ANKRD22: variants seen among roughly 807,000 people sequenced by gnomAD.
The protein encoded by ANKRD22 is ankyrin repeat domain-containing protein 22.
ANKRD22 carries 24 observed loss-of-function variants against 25.7 expected under a neutral mutation model. That is an observed-to-expected ratio of 0.93 (90% CI 0.68 to 1.31). ANKRD22 has a LOEUF of 1.31. Among genes scored for constraint, ANKRD22 ranks in the 50% most tolerant of loss-of-function variants. ANKRD22 has a pLI of 0.00. For synonymous variants in ANKRD22, 84 were observed against 84.3 expected, an observed-to-expected ratio of 1.00 and a Z score of 0.02; for missense variants, 214 against 227.1, an observed-to-expected ratio of 0.94 and a Z score of 0.37.
chr10:88,834,337 A>C (rs1843932852), intron 1 of ANKRD22, among the ~76,000 whole-genome samples: 1 of 152,258 alleles, frequency 6.6e-6, no homozygotes, highest in Admixed American at 6.5e-5. Flanking sequence ...ATATGTAAGA[A>C]TATAATCACC....
At chr10:88,834,642 T>C (rs1244968537) in intron 1 of ANKRD22, among the ~76,000 whole-genome samples, 3 of 152,204 alleles carry the variant, frequency 2.0e-5, no homozygotes, top group African/African-American at 7.2e-5. Flanking sequence ...TCTTTAAAAA[T>C]GGAAAGTTTT....
At chr10:88,851,295 A>C (rs2133085605) in intron 1 of ANKRD22, among the ~76,000 whole-genome samples, 1 of 152,228 alleles carries the variant, frequency 6.6e-6, no homozygotes, top group Non-Finnish European at 1.5e-5. Context: ...CACAACTCAA[A>C]CTCGATTTTG....
intron 4 of ANKRD22, among the ~76,000 whole-genome samples, chr10:88,825,001 TCTCTCTCTCTCA>T (rs1338195751): frequency 3.7e-5 from 3 of 81,316 alleles, no homozygotes; most frequent in African/African-American, 1.0e-4. Context: ...TCTCTCTCTC[TCTCTCTCTCTCA>T]CACACACACA....
intron 1 of ANKRD22, among the ~76,000 whole-genome samples, chr10:88,843,939 C>T (rs1844025933): frequency 6.6e-6 from 1 of 152,106 alleles, no homozygotes; most frequent in African/African-American, 2.4e-5. Context: ...AACTGGGAAT[C>T]ATAAAAATCA....
chr10:88,831,687 T>C, intron 2 of ANKRD22, 148 bp downstream of exon 2: 1 of 681,188 alleles, frequency 1.5e-6, no homozygotes. Flanking sequence ...GTCCTTGGTA[T>C]GTGTCAGTCT....
rs1012397473 is a variant in ANKRD22, at chr10:88,820,171, T to C, written c.*2770A>G. ...ATGTTTATTATGTCTATTTGAAACA[T>C]AAATTATGAGCCTGAAAGTCCAAAT... On this transcript the variant is annotated 3_prime_UTR_variant, in exon 6 of 6. Transcript: ENST00000371930. The C allele has an allele frequency of 2.9e-6, 4 of 1,365,170 alleles. No homozygotes were observed. Among genetic ancestry groups the C allele is most frequent in the Admixed American group, 2.3e-5 (1 of 44,216 alleles). The allele number at this position is 1,365,170 out of a possible 1,614,324, so 84.6% of individuals were successfully genotyped here.
intron 1 of ANKRD22, among the ~76,000 whole-genome samples, chr10:88,849,122 C>G (rs1226571439): frequency 1.3e-5 from 2 of 152,002 alleles, no homozygotes; most frequent in Non-Finnish European, 2.9e-5. Flanking sequence ...TCAAGAAACG[C>G]TTTTTGGGGC....
intron 1 of ANKRD22, among the ~76,000 whole-genome samples, chr10:88,832,500 A>G (rs1843914959): frequency 1.3e-5 from 2 of 151,572 alleles, no homozygotes; most frequent in Non-Finnish European, 2.9e-5. Flanking sequence ...TTTAGTAAAG[A>G]CAAAATGTCT....
At chr10:88,837,351 A>T (rs1023806285) in intron 1 of ANKRD22, among the ~76,000 whole-genome samples, 1 of 152,186 alleles carries the variant, frequency 6.6e-6, no homozygotes, top group East Asian at 1.9e-4. Context: ...AATGTTAGCT[A>T]CTCTTATAAT....
chr10:88,839,598 TG>T (rs1227227564), intron 1 of ANKRD22, among the ~76,000 whole-genome samples: 1 of 152,148 alleles, frequency 6.6e-6, no homozygotes, highest in Non-Finnish European at 1.5e-5. Flanking sequence ...AGCAGCTCAT[TG>T]GCCTTAAATG....
chr10:88,847,663 T>A (rs1462087017), intron 1 of ANKRD22, among the ~76,000 whole-genome samples: 1 of 152,150 alleles, frequency 6.6e-6, no homozygotes, highest in Admixed American at 6.5e-5. Flanking sequence ...GCTTCCTTTT[T>A]TTTTCTTATC....
At chr10:88,832,709 C>G (rs1173596666) in intron 1 of ANKRD22, among the ~76,000 whole-genome samples, 8 of 152,160 alleles carry the variant, frequency 5.3e-5, no homozygotes, top group African/African-American at 1.9e-4. Context: ...ATATGGTTAA[C>G]TACACTTGAT....
intron 4 of ANKRD22, among the ~76,000 whole-genome samples, chr10:88,823,775 C>G (rs1589321407): frequency 6.9e-6 from 1 of 144,622 alleles, no homozygotes; most frequent in African/African-American, 2.6e-5. Flanking sequence ...TTGCAGTGAG[C>G]CGAGATTGCG....
Position 88,823,062 on chromosome 10 carries a change from A to G in ANKRD22, c.499-44T>C, listed in dbSNP as rs143893454. On this transcript the variant is annotated intron_variant, in intron 5 of 5. Transcript: ENST00000371930. ...ACAGTTATTTCCAATAGAGTGCCCA[A>G]GATCTCGTACGTAGCTTAGACCAAT... 122 of 1,574,928 alleles carry G rather than the reference A, an allele frequency of 7.7e-5. No homozygotes were observed. The African/African-American group carries it at 1.6e-3, about 20-fold the overall frequency.
At chr10:88,843,581 G>A (rs747014008) in intron 1 of ANKRD22, among the ~76,000 whole-genome samples, 10 of 152,116 alleles carry the variant, frequency 6.6e-5, no homozygotes, top group Admixed American at 5.9e-4. Flanking sequence ...GGACTTTAGG[G>A]TTCCAGGATT....
At chr10:88,827,962 G>A (rs927831115) in intron 3 of ANKRD22, among the ~76,000 whole-genome samples, 1 of 152,140 alleles carries the variant, frequency 6.6e-6, no homozygotes, top group Non-Finnish European at 1.5e-5. Flanking sequence ...ACCATCTCAA[G>A]CTTCATCTTC....
At chr10:88,846,711 C>A (rs1366529830) in intron 1 of ANKRD22, among the ~76,000 whole-genome samples, 1 of 152,170 alleles carries the variant, frequency 6.6e-6, no homozygotes, top group African/African-American at 2.4e-5. Flanking sequence ...TTTGTGTGTG[C>A]CTGCTGCATT....
intron 1 of ANKRD22, among the ~76,000 whole-genome samples, chr10:88,837,391 G>A (rs1480343703): frequency 6.6e-6 from 1 of 152,310 alleles, no homozygotes; most frequent in Admixed American, 6.5e-5. Flanking sequence ...AATGAAGATG[G>A]ACAGGAGTGG....
chr10:88,840,749 C>T (rs143520898), intron 1 of ANKRD22, among the ~76,000 whole-genome samples: 2 of 152,078 alleles, frequency 1.3e-5, no homozygotes, highest in East Asian at 3.9e-4. Context: ...AGTTAAGAAA[C>T]CTTGGAGAAT....
Sources: allele counts gnomAD v4.1 joint callset (sites outside exome capture counted in the v4.1 genomes callset), GRCh38; gene constraint gnomAD v4.1.1; transcripts MANE v1.5; gene names NCBI Gene and HGNC (gene_info 2026-07-23, HGNC 2026-07-21).